Variants in SH3RF3 observed in about 807,000 individuals in gnomAD.
SH3RF3 encodes E3 ubiquitin-protein ligase SH3RF3.
A neutral mutation model predicts 66.3 loss-of-function variants in SH3RF3; 29 were observed. The ratio of observed to expected loss-of-function variants is 0.44; its 90% CI spans 0.33 to 0.60. The LOEUF is 0.60. SH3RF3 is among the 20% of genes least tolerant of loss of function. SH3RF3 has a pLI of 0.04. For missense variants in SH3RF3, 1,194 were observed against 1,190.9 expected (o/e 1.00, Z -0.04); for synonymous variants, 583 against 532.0 (o/e 1.10, Z -1.32).
intron 8 of SH3RF3, among the ~76,000 whole-genome samples, chr2:109,489,645 C>G (rs148977526): frequency 0.03 from 4,579 of 151,740 alleles, 222 homozygotes; most frequent in African/African-American, 0.1. Context: ...AATGGCATCA[C>G]TGGCCTGCCC....
intron 1 of SH3RF3, among the ~76,000 whole-genome samples, chr2:109,313,301 C>T (rs1048448416): frequency 1.4e-4 from 21 of 152,216 alleles, no homozygotes; most frequent in African/African-American, 5.1e-4. Context: ...TACATCCATC[C>T]CAAGGGGGGA....
chr2:109,363,301 T>C (rs1344942653), intron 2 of SH3RF3, among the ~76,000 whole-genome samples: 2 of 152,190 alleles, frequency 1.3e-5, no homozygotes, highest in Non-Finnish European at 2.9e-5. Flanking sequence ...AAGCCCACTT[T>C]CAAATAACTG....
At chr2:109,324,460 C>T (rs1001172) in intron 1 of SH3RF3, among the ~76,000 whole-genome samples, 56,056 of 152,048 alleles carry the variant, frequency 0.37, 11,909 homozygotes, top group Non-Finnish European at 0.48. Flanking sequence ...TTCATTATTG[C>T]CAGTCTTTGT....
chr2:109,385,711 C>T (rs1675806295), intron 3 of SH3RF3, among the ~76,000 whole-genome samples: 1 of 152,198 alleles, frequency 6.6e-6, no homozygotes, highest in Non-Finnish European at 1.5e-5. Flanking sequence ...GTTGGCCAAG[C>T]CTAAGCCTTT....
chr2:109,165,637 C>G (rs1677602046), intron 1 of SH3RF3, among the ~76,000 whole-genome samples: 2 of 152,190 alleles, frequency 1.3e-5, no homozygotes, highest in South Asian at 4.1e-4. Flanking sequence ...CTGTGCTGCA[C>G]TGACCACAGG....
intron 1 of SH3RF3, among the ~76,000 whole-genome samples, chr2:109,229,566 G>C (rs1679448553): frequency 6.6e-6 from 1 of 152,156 alleles, no homozygotes; most frequent in Non-Finnish European, 1.5e-5. Flanking sequence ...GCTCTGAATT[G>C]GTGGGTTTGC....
chr2:109,356,738 C>T (rs1221226848), intron 2 of SH3RF3, among the ~76,000 whole-genome samples: 3 of 152,244 alleles, frequency 2.0e-5, no homozygotes, highest in Non-Finnish European at 4.4e-5. Flanking sequence ...AGCCCTGCCT[C>T]ACAGGGAGCC....
At chr2:109,217,146 G>A (rs1051825627) in intron 1 of SH3RF3, among the ~76,000 whole-genome samples, 1 of 152,152 alleles carries the variant, frequency 6.6e-6, no homozygotes, top group Non-Finnish European at 1.5e-5. Flanking sequence ...CCATCGTACG[G>A]TCATCCACAT....
At position 109,325,111 on chromosome 2, in the gene SH3RF3, G is replaced by A. The variant is rs1186820392; in HGVS notation, c.574-22563G>A. Among the ~76,000 whole-genome samples, 4 of 152,104 alleles carry A rather than the reference G, an allele frequency of 2.6e-5. No individual in the cohort carries two copies. In the South Asian group the frequency reaches 6.2e-4, roughly 24 times the overall value. ...GCCATGGCTCTGACAAGGCCCAAGA[G>A]GTCAGGGAGGGGTCCCTTGGCCACA... On this transcript the variant is annotated intron_variant, in intron 1 of 9. Coordinates refer to ENST00000309415, the MANE Select transcript of SH3RF3 (RefSeq NM_001099289.3).
chr2:109,400,468 CAT>C (rs752738281), intron 4 of SH3RF3, among the ~76,000 whole-genome samples: 38 of 152,230 alleles, frequency 2.5e-4, no homozygotes, highest in Non-Finnish European at 4.3e-4. Context: ...CACACATACA[CAT>C]GTGCACACAC....
intron 1 of SH3RF3, among the ~76,000 whole-genome samples, chr2:109,323,244 T>C (rs941314758): frequency 6.6e-6 from 1 of 152,142 alleles, no homozygotes; most frequent in Non-Finnish European, 1.5e-5. Context: ...CATCAGGTCT[T>C]GGGCTGGGAG....
intron 1 of SH3RF3, among the ~76,000 whole-genome samples, chr2:109,296,363 G>C (rs965237255): frequency 6.6e-6 from 1 of 151,962 alleles, no homozygotes; most frequent in Non-Finnish European, 1.5e-5. Flanking sequence ...GAGTAGCTGG[G>C]ATTACAGGTG....
chr2:109,374,009 C>T (rs1683330465), intron 3 of SH3RF3, among the ~76,000 whole-genome samples: 3 of 152,158 alleles, frequency 2.0e-5, no homozygotes, highest in African/African-American at 7.2e-5. Flanking sequence ...GAGTCAGCCG[C>T]ATCTGTGCCT....
intron 2 of SH3RF3, among the ~76,000 whole-genome samples, chr2:109,361,155 T>C (rs1275223858): frequency 6.6e-6 from 1 of 152,240 alleles, no homozygotes; most frequent in African/African-American, 2.4e-5. Flanking sequence ...TGAGCCAGCC[T>C]TGCATACCTG....
intron 5 of SH3RF3, among the ~76,000 whole-genome samples, 169 bp from the exon 6 acceptor site, chr2:109,432,332 T>C (rs1243642753): frequency 6.6e-6 from 1 of 151,770 alleles, no homozygotes; most frequent in Non-Finnish European, 1.5e-5. Flanking sequence ...TTATGAGGAG[T>C]GAGCTGGGGA....
rs112568962 is a variant in SH3RF3, at chr2:109,445,726, C to A, written c.1829-3444C>A. On this transcript the variant is annotated intron_variant, in intron 7 of 9. Transcript: ENST00000309415. ...CTGGTGGGACCCAGAGTCCTTGTGA[C>A]TGGAAGGGAGGGGTGTGGGGAAGTA... Among the ~76,000 whole-genome samples, 505 of 151,588 alleles carry A rather than the reference C, an allele frequency of 3.3e-3. 4 individuals carry two copies. The highest frequency in any genetic ancestry group is 0.012 in the African/African-American group (486 of 41,286).
intron 6 of SH3RF3, among the ~76,000 whole-genome samples, chr2:109,433,077 A>ATGTGTGCAGAG (rs1677287503): frequency 6.6e-6 from 1 of 152,250 alleles, no homozygotes; most frequent in Non-Finnish European, 1.5e-5. Context: ...GTATTTGTGC[A>ATGTGTGCAGAG]TGTGTGCAGA....
Position 109,270,964 on chromosome 2 carries a change from T to A in SH3RF3, c.574-76710T>A, listed in dbSNP as rs143380112. ...TGGCTAAGTGGGTTCTGCTTCTGAA[T>A]TGCAATTTCTTTTATATGTTTATTC... On this transcript the variant is annotated intron_variant, in intron 1 of 9. Transcript: ENST00000309415. Among the ~76,000 whole-genome samples the A allele has an allele frequency of 1.7e-3, 262 of 152,316 alleles. 1 individual carries two copies. Among genetic ancestry groups the A allele is most frequent in the African/African-American group, 6.0e-3 (248 of 41,564 alleles).
chr2:109,139,323 T>TA (rs1307742539), intron 1 of SH3RF3, among the ~76,000 whole-genome samples: 2 of 152,132 alleles, frequency 1.3e-5, no homozygotes, highest in Non-Finnish European at 2.9e-5. Context: ...TTTTTTTTTT[T>TA]ACTGAGTTCA....
Sources: gnomAD v4.1 joint callset for allele counts (sites outside exome capture counted in the v4.1 genomes callset) on GRCh38, gnomAD v4.1.1 for gene constraint, MANE v1.5 for transcripts, NCBI Gene and HGNC (gene_info 2026-07-23, HGNC 2026-07-21) for gene names.